The following KCNIP4 variants were observed in gnomAD, a reference collection of about 807,000 sequenced individuals.
KCNIP4 encodes the protein potassium voltage-gated channel interacting protein 4.
Under a neutral mutation model 34.0 loss-of-function variants are expected in KCNIP4, and 12 were observed. That is an observed-to-expected ratio of 0.35 (90% confidence interval 0.23 to 0.57). KCNIP4 has a LOEUF of 0.57. Among genes scored for constraint, KCNIP4 ranks in the 20% least tolerant of loss-of-function variants. The probability of loss-of-function intolerance (pLI) is 0.83; values close to 1 mark genes in which losing one functional copy is unlikely to be tolerated. For missense variants in KCNIP4, 238 were observed against 311.7 expected (o/e 0.76, Z 1.78); for synonymous variants, 124 against 102.2 (o/e 1.21, Z -1.29).
intron 1 of KCNIP4, among the ~76,000 whole-genome samples, chr4:21,180,358 T>C (rs932923998): frequency 1.3e-5 from 2 of 152,124 alleles, no homozygotes; most frequent in African/African-American, 4.8e-5. Flanking sequence ...AAAAGATTGA[T>C]TTATAGTAAT....
At chr4:21,663,545 T>C (rs1429018170) in intron 1 of KCNIP4, among the ~76,000 whole-genome samples, 1 of 152,184 alleles carries the variant, frequency 6.6e-6, no homozygotes, top group Admixed American at 6.5e-5. Flanking sequence ...GGCTTAGGAC[T>C]GGCTTCATAA....
intron 1 of KCNIP4, among the ~76,000 whole-genome samples, chr4:21,440,604 G>A (rs925120766): frequency 1.3e-5 from 2 of 152,148 alleles, no homozygotes; most frequent in African/African-American, 4.8e-5. Context: ...GGCGTCCGCC[G>A]GATGGAACTG....
At chr4:21,665,087 C>A (rs925981210) in intron 1 of KCNIP4, among the ~76,000 whole-genome samples, 2 of 152,150 alleles carry the variant, frequency 1.3e-5, no homozygotes, top group Non-Finnish European at 2.9e-5. Flanking sequence ...TGAGGACCAG[C>A]ACAATGTCTG....
chr4:21,064,459 A>T (rs1386018334), intron 1 of KCNIP4, among the ~76,000 whole-genome samples: 1 of 152,084 alleles, frequency 6.6e-6, no homozygotes, highest in Admixed American at 6.6e-5. Context: ...AATAGTATGT[A>T]CACTGGATTT....
chr4:21,560,461 A>G (rs1375488508), intron 1 of KCNIP4, among the ~76,000 whole-genome samples: 1 of 152,154 alleles, frequency 6.6e-6, no homozygotes, highest in African/African-American at 2.4e-5. Flanking sequence ...CTCATTTTAC[A>G]AAAACTACAG....
At chr4:20,835,340 AG>A (rs1379932337) in intron 3 of KCNIP4, among the ~76,000 whole-genome samples, 5 of 152,134 alleles carry the variant, frequency 3.3e-5, no homozygotes, top group Non-Finnish European at 5.9e-5. Context: ...GTGGTCAAAA[AG>A]GTATGCACTT....
At chr4:21,786,653 C>T (rs1164664070) in intron 1 of KCNIP4, among the ~76,000 whole-genome samples, 1 of 151,070 alleles carries the variant, frequency 6.6e-6, no homozygotes, top group African/African-American at 2.4e-5. Context: ...TTGCAAGCTC[C>T]GCCTCCCGGG....
chr4:21,061,482 A>G (rs547855319), intron 1 of KCNIP4, among the ~76,000 whole-genome samples: 9 of 152,282 alleles, frequency 5.9e-5, no homozygotes, highest in Admixed American at 2.0e-4. Context: ...GCAAATTGAA[A>G]GCAAGGTGGT....
At chr4:21,486,090 G>C (rs1731883622) in intron 1 of KCNIP4, among the ~76,000 whole-genome samples, 1 of 152,144 alleles carries the variant, frequency 6.6e-6, no homozygotes, top group African/African-American at 2.4e-5. Flanking sequence ...GACTATCTCA[G>C]GACAGCTTCC....
chr4:21,263,446 T>C (rs1761599001), intron 1 of KCNIP4, among the ~76,000 whole-genome samples: 1 of 152,152 alleles, frequency 6.6e-6, no homozygotes, highest in African/African-American at 2.4e-5. Flanking sequence ...TTTACTTAGC[T>C]TCTTGAGCCA....
intron 2 of KCNIP4, among the ~76,000 whole-genome samples, chr4:20,875,777 C>T (rs1166795597): frequency 6.6e-6 from 1 of 152,036 alleles, no homozygotes; most frequent in African/African-American, 2.4e-5. Context: ...ACATGTTGGC[C>T]ATTCAAGTTG....
intron 1 of KCNIP4, among the ~76,000 whole-genome samples, chr4:21,144,349 A>C (rs1342731151): frequency 6.6e-6 from 1 of 152,186 alleles, no homozygotes; most frequent in African/African-American, 2.4e-5. Flanking sequence ...CCTTTTATAA[A>C]ACATATCATT....
At chr4:21,548,551 T>G (rs773117778) in intron 1 of KCNIP4, among the ~76,000 whole-genome samples, 2 of 147,880 alleles carry the variant, frequency 1.4e-5, no homozygotes, top group Non-Finnish European at 3.0e-5. Context: ...GATCATAAGA[T>G]TTCTTGTTCT....
chr4:21,439,200 A>G (rs1304132727), intron 1 of KCNIP4, among the ~76,000 whole-genome samples: 2 of 151,778 alleles, frequency 1.3e-5, no homozygotes, highest in East Asian at 1.9e-4. Context: ...GAAGCCAACA[A>G]GAGGGAGGTC....
chr4:20,884,870 T>C (rs1047377386), intron 1 of KCNIP4, among the ~76,000 whole-genome samples: 1 of 152,048 alleles, frequency 6.6e-6, no homozygotes, highest in Non-Finnish European at 1.5e-5. Context: ...CTGGCTAATT[T>C]TTGTATTTTT....
chr4:21,771,835 G>C (rs962164722), intron 1 of KCNIP4, among the ~76,000 whole-genome samples: 1 of 152,180 alleles, frequency 6.6e-6, no homozygotes, highest in African/African-American at 2.4e-5. Context: ...GGGCTGAGAT[G>C]ATGGGGTTTT....
chr4:21,507,196 G>A (rs2109909246), intron 1 of KCNIP4, among the ~76,000 whole-genome samples: 1 of 151,774 alleles, frequency 6.6e-6, no homozygotes, highest in East Asian at 1.9e-4. Flanking sequence ...CATTGTACTA[G>A]CCACATTTTA....
intron 1 of KCNIP4, among the ~76,000 whole-genome samples, chr4:21,246,844 TAATA>T (rs1760241539): frequency 6.6e-6 from 1 of 152,216 alleles, no homozygotes; most frequent in African/African-American, 2.4e-5. Context: ...TCACAAGCAC[TAATA>T]GTTAAAATTC....
chr4:21,530,816 C>T (rs115653726), intron 1 of KCNIP4, among the ~76,000 whole-genome samples: 122 of 152,274 alleles, frequency 8.0e-4, no homozygotes, highest in African/African-American at 2.8e-3. Context: ...TTTCTCAGCA[C>T]TTGCACATCA....
Sources: gnomAD v4.1 joint callset for allele counts (sites outside exome capture counted in the v4.1 genomes callset) on GRCh38, gnomAD v4.1.1 for gene constraint, MANE v1.5 for transcripts, NCBI Gene and HGNC (gene_info 2026-07-23, HGNC 2026-07-21) for gene names.